Variants in KCP observed in about 807,000 individuals in gnomAD.
The protein encoded by KCP is kielin cysteine rich BMP regulator.
In KCP, 194 loss-of-function variants were observed where a neutral mutation model predicts 212.7. That is an observed-to-expected ratio of 0.91 (90% CI 0.81 to 1.03). KCP has a LOEUF of 1.03. Among genes scored for constraint, KCP ranks in the 50% least tolerant of loss-of-function variants. The pLI is 0.00. For missense variants in KCP, 2,080 were observed against 2,162.5 expected, an observed-to-expected ratio of 0.96 and a Z score of 0.76; for synonymous variants, 833 against 865.3, an observed-to-expected ratio of 0.96 and a Z score of 0.65.
At position 128,892,963 on chromosome 7, in the gene KCP, C is replaced by T. The variant is rs1212303606; in HGVS notation, c.1326G>A (p.Arg442=). Residue 442 remains arginine, a synonymous_variant, in exon 14 of 40, where the codon CGG becomes CGA. Transcript: ENST00000610776. The part of the protein sequence containing the change: ...AEGVQWEPDG[R]PCTACVCQDG... Reference sequence around the variant, plus strand: ...CTTGACAGACGCAGGCGGTGCAGGGCCGACCATCAGGCTCCCACTGGACTC... The same window carrying T: ...CTTGACAGACGCAGGCGGTGCAGGGTCGACCATCAGGCTCCCACTGGACTC... The T allele has an allele frequency of 1.1e-5, 14 of 1,276,698 alleles. No homozygotes were observed. The highest frequency in any genetic ancestry group is 1.5e-5 in the Non-Finnish European group (13 of 895,954). 79.1% of individuals were successfully genotyped at this position (1,276,698 alleles called of 1,614,324 possible). A position where few individuals can be genotyped will look rare whatever the true frequency, so the allele number is the denominator to read the frequency against.
At chr7:128,880,318 A>T in intron 34 of KCP, 68 bp downstream of exon 34, 5 of 1,455,136 alleles carry the variant, frequency 3.4e-6, no homozygotes, top group Non-Finnish European at 4.6e-6. Context: ...ATGCCTGGTC[A>T]CACCAGGATG....
At position 128,908,463 on chromosome 7, in the gene KCP, C is replaced by T. The variant is rs779536202; in HGVS notation, c.182G>A (p.Gly61Glu). ...CTCCATCACTGCAGCCTCCAGTCGC[C>T]CCAGCCACTCTCGCAGGGGGTGCCA... ...EQWHPLREWLGRLEAAVMELR... is the reference protein window; with the variant it reads ...EQWHPLREWLERLEAAVMELR... Residue 61 changes from glycine (G) to glutamate (E), a missense_variant, in exon 2 of 40, where the codon GGG becomes GAG. By Grantham distance (98) the Gly-to-Glu change is moderately conservative. Coordinates refer to ENST00000610776, the MANE Select transcript of KCP (RefSeq NM_001366122.1). The T allele has an allele frequency of 1.9e-6, 3 of 1,551,926 alleles. No homozygotes were observed. Among genetic ancestry groups the T allele is most frequent in the Admixed American group, 3.9e-5 (2 of 51,002 alleles).
chr7:128,899,083 G>A (rs1192738379), intron 8 of KCP, among the ~76,000 whole-genome samples: 1 of 152,176 alleles, frequency 6.6e-6, no homozygotes, highest in African/African-American at 2.4e-5. Flanking sequence ...AAGTCATATG[G>A]GAAGTATTGT....
intron 29 of KCP, among the ~76,000 whole-genome samples, chr7:128,883,214 A>G (rs1171684018): frequency 6.7e-5 from 10 of 149,540 alleles, no homozygotes; most frequent in African/African-American, 1.7e-4. Flanking sequence ...ATCTCAGCTC[A>G]CTGCAACCTC....
Position 128,877,492 on chromosome 7 carries a change from G to A in KCP, c.4610C>T (p.Thr1537Met), listed in dbSNP as rs570236887. Residue 1537 changes from threonine to methionine, a missense_variant, in exon 39 of 40, where the codon ACG becomes ATG. Thr to Met is a moderately conservative substitution (Grantham distance 81). Coordinates refer to ENST00000610776, the MANE Select transcript of KCP (RefSeq NM_001366122.1). ...AGVTPTWRGPTLCVVGCPLER... is the reference protein window; with the variant it reads ...AGVTPTWRGPMLCVVGCPLER... Reference sequence around the variant, plus strand: ...GGGCATCACCCCCTCACCACACAGCGTGGGGCCTCGCCAGGTAGGTGTCAC... The same window carrying A: ...GGGCATCACCCCCTCACCACACAGCATGGGGCCTCGCCAGGTAGGTGTCAC... 7.2e-5 allele frequency: 112 copies of A among 1,551,102 alleles called. No homozygotes were observed. Among genetic ancestry groups the A allele is most frequent in the South Asian group, 3.0e-4 (25 of 84,050 alleles).
intron 8 of KCP, among the ~76,000 whole-genome samples, chr7:128,901,385 G>A (rs560629461): frequency 1.3e-4 from 20 of 152,326 alleles, no homozygotes; most frequent in African/African-American, 4.8e-4. Context: ...CCAGCACTGT[G>A]GGAGGCAGAG....
At position 128,884,342 on chromosome 7, in the gene KCP, T is replaced by C. The variant is rs960956133; in HGVS notation, c.3124-220A>G. Among the ~76,000 whole-genome samples, 16 of 152,208 alleles carry C rather than the reference T, an allele frequency of 1.1e-4. No homozygotes were observed. The South Asian group carries it at 2.7e-3, about 26-fold the overall frequency. On this transcript the variant is annotated intron_variant, in intron 28 of 39. Transcript: ENST00000610776. ...ATGTCTCCTTCTCCTTTAAGTCACT[T>C]GGGCCTGAGCCCTCATGTGACCTTT... is the stretch of plus-strand genomic sequence containing the variant.
intron 20 of KCP, 42 bp from the exon 21 acceptor site, chr7:128,890,555 G>T: frequency 6.6e-7 from 1 of 1,509,192 alleles, no homozygotes; most frequent in South Asian, 1.2e-5. Flanking sequence ...GGGGACTAGA[G>T]GGCTGTGGGG....
chr7:128,904,092 C>A lies in KCP; in HGVS notation c.618G>T (p.Leu206=), dbSNP rs754237265. 11 of 1,551,502 alleles carry A rather than the reference C, an allele frequency of 7.1e-6. No homozygotes were observed. The South Asian group carries it at 1.3e-4, about 18-fold the overall frequency. The change falls in exon 6 of 40, where the codon CTG becomes CTT. Residue 206 remains leucine (L), a synonymous_variant. Transcript: ENST00000610776. ...GQLYEEGVTF[L]SSSNPCLQCT... is the part of the protein sequence containing the mutation. ...ACTGTAGACAAGGGTTGGAGCTGGA[C>A]AGGAAGGTGACCCCCTCCTCATAAA...
intron 11 of KCP, 102 bp downstream of exon 11, chr7:128,893,704 G>A: frequency 7.7e-7 from 1 of 1,294,580 alleles, no homozygotes; most frequent in Admixed American, 2.1e-5. Flanking sequence ...TTTGGGAACA[G>A]GGTAACAGGG....
intron 27 of KCP, 91 bp from the exon 28 acceptor site, chr7:128,884,954 T>TGG: frequency 6.7e-7 from 1 of 1,489,524 alleles, no homozygotes; most frequent in Non-Finnish European, 9.2e-7. Flanking sequence ...AGCCTCCCCC[T>TGG]GATCCCAGGG....
intron 34 of KCP, 140 bp downstream of exon 34, chr7:128,880,246 G>T: frequency 7.7e-7 from 1 of 1,296,318 alleles, no homozygotes; most frequent in Non-Finnish European, 1.0e-6. Context: ...CATCGTGGTC[G>T]CACTGGGAAC....
intron 21 of KCP, chr7:128,889,888 A>T: frequency 6.5e-6 from 1 of 154,994 alleles, no homozygotes; most frequent in Non-Finnish European, 1.4e-5. Flanking sequence ...ATAGCAACAG[A>T]GGCAGGAGAA....
At position 128,894,040 on chromosome 7, in the gene KCP, C is replaced by T; in HGVS notation, c.941G>A (p.Gly314Glu). The change falls in exon 10 of 40, where the codon GGG becomes GAG. Residue 314 changes from glycine (G) to glutamate (E), a missense_variant. Physicochemically the swap from Gly to Glu is moderately conservative, Grantham distance 98. Coordinates refer to ENST00000610776, the MANE Select transcript of KCP (RefSeq NM_001366122.1). ...AGGCTCCCCGCTGCGGTGCTCCCGC[C>T]CGTTTAGGAAACAGCCTGTTGGGAA... is the stretch of plus-strand genomic sequence containing the variant. ...CPVCDGCFLN[G>E]REHRSGEPVG... The T allele has an allele frequency of 6.5e-7, 1 of 1,549,992 alleles. No individual in the cohort carries two copies. The highest frequency in any genetic ancestry group is 8.7e-7 in the Non-Finnish European group (1 of 1,146,350).
At position 128,890,532 on chromosome 7, in the gene KCP, G is replaced by A; in HGVS notation, c.2165-19C>T. The stretch of plus-strand genomic sequence containing the variant: ...AGGCAGCCTGGGGAGAAGGGCAGGG[G>A]CTGGGGGGCCGTGGGGACTAGAGGG... On this transcript the variant is annotated intron_variant, in intron 20 of 39. Transcript: ENST00000610776. 1 of 1,540,314 alleles carries A rather than the reference G, an allele frequency of 6.5e-7. No homozygotes were observed.
intron 26 of KCP, 67 bp from the exon 27 acceptor site, chr7:128,885,337 C>T (rs568793514): frequency 6.8e-7 from 1 of 1,466,318 alleles, no homozygotes; most frequent in Non-Finnish European, 9.2e-7. Context: ...CTGGCCCCCA[C>T]CCTCAGTGGT....
chr7:128,893,655 G>A (rs1794327745), intron 11 of KCP, 151 bp downstream of exon 11: 4 of 993,414 alleles, frequency 4.0e-6, no homozygotes, highest in Non-Finnish European at 5.9e-6. Context: ...GCCCCAGCAT[G>A]GTGCCAGTTT....
intron 22 of KCP, 28 bp downstream of exon 22, chr7:128,888,835 G>A (rs1273079098): frequency 6.5e-7 from 1 of 1,541,674 alleles, no homozygotes; most frequent in Non-Finnish European, 8.7e-7. Flanking sequence ...CCCCAGCAGG[G>A]GGAATGGAAG....
At chr7:128,888,212 A>T (rs565562396) in intron 22 of KCP, among the ~76,000 whole-genome samples, 1 of 151,466 alleles carries the variant, frequency 6.6e-6, no homozygotes, top group South Asian at 2.1e-4. Context: ...ACAGATACAC[A>T]GCCACACACA....
Sources: gnomAD v4.1 joint callset for allele counts (sites outside exome capture counted in the v4.1 genomes callset) on GRCh38, gnomAD v4.1.1 for gene constraint, MANE v1.5 for transcripts, NCBI Gene and HGNC (gene_info 2026-07-23, HGNC 2026-07-21) for gene names.